TTLL1: variants seen among roughly 807,000 people sequenced by gnomAD.
The protein encoded by TTLL1 is polyglutamylase complex subunit TTLL1.
A neutral mutation model predicts 47.8 loss-of-function variants in TTLL1; 33 were observed. That is an observed-to-expected ratio of 0.69 (90% confidence interval 0.52 to 0.92). The LOEUF (loss-of-function observed/expected upper bound fraction) is 0.92, where lower values mean the gene tolerates loss of function less well. Ranked by LOEUF, TTLL1 falls within the 40% of genes least tolerant of loss-of-function variation. The pLI is 0.00. For missense variants in TTLL1, 488 were observed against 547.5 expected (o/e 0.89, Z 1.08); for synonymous variants, 225 against 214.1 (o/e 1.05, Z -0.45).
intron 1 of TTLL1, 95 bp from the exon 2 acceptor site, chr22:43,080,081 TCTCA>T (rs1402794600): frequency 2.0e-5 from 3 of 152,140 alleles, no homozygotes; most frequent in Non-Finnish European, 4.4e-5. Flanking sequence ...TGAGACAGGT[TCTCA>T]CTCTGCTCAA....
rs776458606 is a variant in TTLL1 at position 43,059,440 on chromosome 22, T to C, written c.835A>G (p.Ser279Gly). 1.8e-5 allele frequency: 29 copies of C among 1,614,116 alleles called. No individual in the cohort carries two copies. In the South Asian group the frequency reaches 2.7e-4, roughly 15 times the overall value. ...LESTRGKEVT[S>G]KLFDEIHWII... is the part of the protein sequence containing the mutation. ...CAGTGGATCTCGTCGAACAGCTTGC[T>C]GGTCACCTCCTTGCCGCGGGTGCTC... is the stretch of plus-strand genomic sequence containing the variant. The change falls in exon 8 of 11, where the codon AGC becomes GGC. Residue 279 changes from serine to glycine, a missense_variant. Coordinates refer to ENST00000266254, the MANE Select transcript of TTLL1 (RefSeq NM_012263.5).
intron 9 of TTLL1, among the ~76,000 whole-genome samples, chr22:43,047,721 G>A (rs990810093): frequency 6.6e-5 from 10 of 151,978 alleles, no homozygotes; most frequent in African/African-American, 1.4e-4. Flanking sequence ...TGCCCGCCTC[G>A]GCCTCCCAAA....
intron 5 of TTLL1, among the ~76,000 whole-genome samples, chr22:43,066,678 C>T (rs939919867): frequency 1.8e-4 from 25 of 139,690 alleles, no homozygotes; most frequent in African/African-American, 7.0e-4. Flanking sequence ...GCCATGATCC[C>T]GTCTTAAAAA....
chr22:43,049,973 G>A (rs1335118661), intron 9 of TTLL1, among the ~76,000 whole-genome samples: 3 of 151,870 alleles, frequency 2.0e-5, no homozygotes, highest in African/African-American at 4.8e-5. Flanking sequence ...GCATGCACCC[G>A]TAGTCCCAGC....
In TTLL1 at chr22:43,069,857, A is replaced by G. The variant is rs749933764; in HGVS notation, c.114-13T>C. The G allele has an allele frequency of 3.2e-5, 52 of 1,613,578 alleles. No individual in the cohort carries two copies. In the South Asian group the frequency reaches 5.5e-4, roughly 17 times the overall value. Reference sequence around the variant, plus strand: ...TTGCACACTCATCCTGAAAGAGATGAGCAGGAGAGACACTTGGCAGTGATG... The same window carrying G: ...TTGCACACTCATCCTGAAAGAGATGGGCAGGAGAGACACTTGGCAGTGATG... On this transcript the variant is annotated splice_polypyrimidine_tract_variant and intron_variant, in intron 3 of 10. Transcript: ENST00000266254.
chr22:43,077,548 G>A (rs1024521663), intron 2 of TTLL1, among the ~76,000 whole-genome samples: 4 of 152,160 alleles, frequency 2.6e-5, no homozygotes, highest in South Asian at 2.1e-4. Context: ...TGCCTGGCAC[G>A]TGAGGGATGC....
At chr22:43,047,773 AC>A (rs940249508) in intron 9 of TTLL1, among the ~76,000 whole-genome samples, 3 of 151,912 alleles carry the variant, frequency 2.0e-5, no homozygotes, top group African/African-American at 7.2e-5. Context: ...CCGGCCAGTC[AC>A]TACTTATTTA....
At position 43,063,901 on chromosome 22, in the gene TTLL1, C is replaced by A; in HGVS notation, c.659G>T (p.Arg220Leu). The part of the protein sequence containing the change: ...RCYMYKLGFC[R>L]FCTVKYTPST... The stretch of plus-strand genomic sequence containing the variant: ...CGGGGTGTATTTCACTGTGCAGAAC[C>A]GGCAAAACCCAAGCTTGTACCTAGG... Residue 220 changes from arginine (R) to leucine (L), a missense_variant, in exon 7 of 11, where the codon CGG (arginine) becomes CTG (leucine). By Grantham distance (102) the Arg-to-Leu change is moderately radical. Coordinates refer to ENST00000266254, the MANE Select transcript of TTLL1 (RefSeq NM_012263.5). 2 of 1,614,080 alleles carry A rather than the reference C, an allele frequency of 1.2e-6. No individual in the cohort carries two copies. Among genetic ancestry groups the A allele is most frequent in the Non-Finnish European group, 1.7e-6 (2 of 1,180,016 alleles).
At chr22:43,076,775 C>A (rs532216014) in intron 2 of TTLL1, among the ~76,000 whole-genome samples, 73 of 150,166 alleles carry the variant, frequency 4.9e-4, no homozygotes, top group Admixed American at 1.2e-3. Context: ...AATAATAAAT[C>A]AAATAAAATA....
At chr22:43,053,199 G>C (rs9623741) in intron 8 of TTLL1, among the ~76,000 whole-genome samples, 2,451 of 152,196 alleles carry the variant, frequency 0.016, 30 homozygotes, top group Admixed American at 0.026. Context: ...TCAGAGACTT[G>C]TGCACCCTAT....
chr22:43,053,315 C>T (rs369817592), intron 8 of TTLL1, among the ~76,000 whole-genome samples: 1 of 152,230 alleles, frequency 6.6e-6, no homozygotes, highest in African/African-American at 2.4e-5. Context: ...GGGAAGGAGA[C>T]AGCCTGGACC....
intron 10 of TTLL1, among the ~76,000 whole-genome samples, chr22:43,043,655 C>T (rs1221079607): frequency 6.6e-6 from 1 of 152,096 alleles, no homozygotes; most frequent in African/African-American, 2.4e-5. Flanking sequence ...TCTCCACTTC[C>T]CCTTCCTGCT....
intron 2 of TTLL1, among the ~76,000 whole-genome samples, chr22:43,079,243 A>C (rs71328667): frequency 1.7e-5 from 1 of 60,122 alleles, no homozygotes; most frequent in Non-Finnish European, 3.8e-5. Flanking sequence ...CCTCACACCC[A>C]CAGACATGGG....
rs536889081 is a variant in TTLL1, at chr22:43,080,200, G to A, written c.-89-214C>T. The stretch of plus-strand genomic sequence containing the variant: ...CTCCTAAGTAGCTGCAACTACAGGC[G>A]AGTGCCACCACACCCGGTTAATTTT... On this transcript the variant is annotated intron_variant, in intron 1 of 10. Transcript: ENST00000266254. Among the ~76,000 whole-genome samples the A allele has an allele frequency of 2.9e-4, 44 of 152,000 alleles. 2 individuals are homozygous for A. Among genetic ancestry groups the A allele is most frequent in the African/African-American group, 9.9e-4 (41 of 41,412 alleles).
chr22:43,079,875 T>A (rs1307939477), intron 2 of TTLL1, 27 bp downstream of exon 2: 1 of 152,146 alleles, frequency 6.6e-6, no homozygotes, highest in Non-Finnish European at 1.5e-5. Context: ...AAATGGTCCC[T>A]AAGGGGCCGT....
At position 43,050,497 on chromosome 22, in the gene TTLL1, ACT is replaced by A. The variant is rs1297614353; in HGVS notation, c.978+1302_978+1303del. Among the ~76,000 whole-genome samples the A allele has an allele frequency of 4.9e-5, 7 of 143,732 alleles. No individual in the cohort carries two copies. In the Admixed American group the frequency reaches 4.9e-4, roughly 10 times the overall value. 94.3% of individuals were successfully genotyped at this position (143,732 alleles called of 152,430 possible). A position where few individuals can be genotyped will look rare whatever the true frequency, so the allele number is the denominator to read the frequency against. On this transcript the variant is annotated intron_variant, in intron 9 of 10. Coordinates refer to ENST00000266254, the MANE Select transcript of TTLL1 (RefSeq NM_012263.5). The stretch of plus-strand genomic sequence containing the variant: ...TCCAGGAGAGACTTCCATTCAAGTC[ACT>A]CTGGTTTTTTTTTGTTTTTTTTTTT...
chr22:43,059,490 A>G lies in TTLL1; in HGVS notation c.785T>C (p.Val262Ala), dbSNP rs1227127339. 2.2e-5 allele frequency: 36 copies of G among 1,613,560 alleles called. 1 individual carries two copies. The South Asian group carries it at 2.3e-4, about 10-fold the overall frequency. ...YNHIHGGKWT[V>A]SNLRLYLEST... Reference sequence around the variant, plus strand: ...CTCCAGGTAGAGCCGCAGGTTACTCACTGTCCACTTGCCCCCATGGATGTG... The same window carrying G: ...CTCCAGGTAGAGCCGCAGGTTACTCGCTGTCCACTTGCCCCCATGGATGTG... The change falls in exon 8 of 11, where the codon GTG becomes GCG. Residue 262 changes from valine to alanine, a missense_variant. Val to Ala is a moderately conservative substitution (Grantham distance 64, BLOSUM62 0). Transcript: ENST00000266254.
intron 5 of TTLL1, among the ~76,000 whole-genome samples, chr22:43,064,977 C>A (rs1457229603): frequency 2.6e-5 from 4 of 151,964 alleles, no homozygotes; most frequent in Non-Finnish European, 5.9e-5. Context: ...GAAACCCTGT[C>A]TCTACTAAAA....
intron 8 of TTLL1, among the ~76,000 whole-genome samples, chr22:43,056,932 A>G (rs1228301361): frequency 3.3e-5 from 5 of 152,146 alleles, no homozygotes; most frequent in Admixed American, 6.6e-5. Flanking sequence ...AGCTGGGATC[A>G]CAAGTATGTG....
Sources: gnomAD v4.1 joint callset for allele counts (sites outside exome capture counted in the v4.1 genomes callset) on GRCh38, gnomAD v4.1.1 for gene constraint, MANE v1.5 for transcripts, NCBI Gene and HGNC (gene_info 2026-07-23, HGNC 2026-07-21) for gene names.